The following TMCO4 variants were observed in gnomAD, a reference collection of about 807,000 sequenced individuals.
TMCO4 encodes the protein transmembrane and coiled-coil domain-containing protein 4.
TMCO4 carries 58 observed loss-of-function variants against 64.7 expected under a neutral mutation model. The observed-to-expected ratio is 0.90, with a 90% CI of 0.73 to 1.12. The LOEUF (loss-of-function observed/expected upper bound fraction) is 1.12. Among genes scored for constraint, TMCO4 ranks in the 50% most tolerant of loss-of-function variants. The pLI, the probability that TMCO4 is intolerant of heterozygous loss-of-function variation, is 0.00. For missense variants in TMCO4, 780 were observed against 825.9 expected, an observed-to-expected ratio of 0.94 and a Z score of 0.68; for synonymous variants, 325 against 346.1, an observed-to-expected ratio of 0.94 and a Z score of 0.68.
intron 6 of TMCO4, among the ~76,000 whole-genome samples, chr1:19,757,809 T>C (rs1037695565): frequency 2.0e-5 from 3 of 152,228 alleles, no homozygotes; most frequent in Admixed American, 1.3e-4. Context: ...AAAATGTTTA[T>C]GCAGTGAATG....
intron 7 of TMCO4, among the ~76,000 whole-genome samples, chr1:19,753,899 T>C (rs2042131548): frequency 6.6e-6 from 1 of 152,170 alleles, no homozygotes; most frequent in Non-Finnish European, 1.5e-5. Flanking sequence ...TAATAGTTTA[T>C]AAAAGGGTCT....
chr1:19,691,261 T>C (rs1489816779), intron 15 of TMCO4, among the ~76,000 whole-genome samples: 2 of 152,118 alleles, frequency 1.3e-5, no homozygotes, highest in Non-Finnish European at 2.9e-5. Context: ...AAGCTCCCAG[T>C]TAGGAAGGCA....
At chr1:19,789,128 G>C (rs942262311) in intron 2 of TMCO4, among the ~76,000 whole-genome samples, 2 of 151,702 alleles carry the variant, frequency 1.3e-5, no homozygotes, top group African/African-American at 4.8e-5. Context: ...TCAGCCAGGT[G>C]TAGTGGCTCA....
At position 19,734,856 on chromosome 1, in the gene TMCO4, G is replaced by T. The variant is rs568119566; in HGVS notation, c.1264+2516C>A. Reference sequence around the variant, plus strand: ...GCCTCAGTTTTCTCATCTGAAGCAGGGAGACTGGTGGAACCTCCCTCCTGT... The same window carrying T: ...GCCTCAGTTTTCTCATCTGAAGCAGTGAGACTGGTGGAACCTCCCTCCTGT... On this transcript the variant is annotated intron_variant, in intron 13 of 15. Coordinates refer to ENST00000294543, the MANE Select transcript of TMCO4 (RefSeq NM_181719.7). The surrounding 1 kb of genome is among the most constrained non-coding windows in gnomAD (Gnocchi z 4.4). Among the ~76,000 whole-genome samples the T allele has an allele frequency of 2.6e-5, 4 of 152,266 alleles. No individual in the cohort carries two copies. The highest frequency in any genetic ancestry group is 6.5e-5 in the Admixed American group (1 of 15,302).
At chr1:19,726,934 T>C (rs930056373) in intron 13 of TMCO4, among the ~76,000 whole-genome samples, 8 of 152,244 alleles carry the variant, frequency 5.3e-5, no homozygotes, top group African/African-American at 1.9e-4. Flanking sequence ...AGATCAGCCC[T>C]TCCCCCTCCT....
chr1:19,741,131 G>A (rs1406184636), intron 10 of TMCO4, among the ~76,000 whole-genome samples, 190 bp from the exon 11 acceptor site: 1 of 152,198 alleles, frequency 6.6e-6, no homozygotes, highest in Non-Finnish European at 1.5e-5. Flanking sequence ...TCAGCAGGCT[G>A]GGCTGGAATC....
chr1:19,703,038 A>G (rs1042691466), intron 13 of TMCO4, among the ~76,000 whole-genome samples: 1 of 152,198 alleles, frequency 6.6e-6, no homozygotes, highest in African/African-American at 2.4e-5. Context: ...TGGAGGTTCA[A>G]TGAGGGCAGG....
intron 13 of TMCO4, among the ~76,000 whole-genome samples, chr1:19,714,021 C>A (rs909854891): frequency 6.6e-6 from 1 of 152,210 alleles, no homozygotes; most frequent in African/African-American, 2.4e-5. Context: ...ACTGCAACTT[C>A]TACCTCCCAG....
chr1:19,745,872 C>T (rs895568534), intron 9 of TMCO4, among the ~76,000 whole-genome samples: 10 of 152,168 alleles, frequency 6.6e-5, no homozygotes, highest in Non-Finnish European at 1.5e-4. Context: ...AGCCCCCGAG[C>T]GGTAGAGCTG....
At chr1:19,712,081 G>A (rs752979356) in intron 13 of TMCO4, among the ~76,000 whole-genome samples, 1 of 152,192 alleles carries the variant, frequency 6.6e-6, no homozygotes, top group Non-Finnish European at 1.5e-5. Context: ...ACAGGCATGA[G>A]CCACTGGGCC....
chr1:19,768,007 A>G (rs2745253), intron 6 of TMCO4, among the ~76,000 whole-genome samples: 91,680 of 151,388 alleles, frequency 0.61, 29,062 homozygotes, highest in African/African-American at 0.81. Context: ...CAAGAGAATC[A>G]CTTGAACCCG....
intron 15 of TMCO4, among the ~76,000 whole-genome samples, chr1:19,689,835 T>C (rs1310120129): frequency 1.3e-5 from 2 of 152,232 alleles, no homozygotes; most frequent in African/African-American, 4.8e-5. Context: ...GCCCTGGACA[T>C]GGGTCAGGAG....
chr1:19,722,444 C>T (rs752020099), intron 13 of TMCO4, among the ~76,000 whole-genome samples: 60 of 152,104 alleles, frequency 3.9e-4, no homozygotes, highest in Non-Finnish European at 7.1e-4. Flanking sequence ...AGCTTAGATG[C>T]GCTATTTTAT....
In TMCO4 at chr1:19,694,485, C is replaced by A. The variant is rs2100573357; in HGVS notation, c.1449G>T (p.Gln483His). 6.2e-7 allele frequency: 1 copy of A among 1,614,154 alleles called. No homozygotes were observed. The highest frequency in any genetic ancestry group is 8.5e-7 in the Non-Finnish European group (1 of 1,179,986). The change falls in exon 15 of 16, where the codon CAG becomes CAT. Residue 483 changes from glutamine to histidine, a missense_variant. Coordinates refer to ENST00000294543, the MANE Select transcript of TMCO4 (RefSeq NM_181719.7). Reference protein sequence around the residue: ...SSVQLRVAGLQPVLLQDRRVE... With the variant: ...SSVQLRVAGLHPVLLQDRRVE... Reference sequence around the variant, plus strand: ...CCCTCCTGTCCTGCAGCAGCACGGGCTGTAGGCCGGCGACACGGAGCTGCA... The same window carrying A: ...CCCTCCTGTCCTGCAGCAGCACGGGATGTAGGCCGGCGACACGGAGCTGCA...
intron 1 of TMCO4, among the ~76,000 whole-genome samples, chr1:19,799,003 C>A (rs1489351636): frequency 6.6e-6 from 1 of 152,204 alleles, no homozygotes; most frequent in East Asian, 1.9e-4. Context: ...CTAGCCTGGC[C>A]CTGCTCCTAA....
chr1:19,716,370 C>T (rs903639840), intron 13 of TMCO4, among the ~76,000 whole-genome samples: 3 of 138,562 alleles, frequency 2.2e-5, no homozygotes, highest in Admixed American at 7.2e-5. Context: ...TTTTTTTTTT[C>T]TTTTTTCTTT....
At chr1:19,699,339 C>T (rs2095256481) in intron 14 of TMCO4, among the ~76,000 whole-genome samples, 1 of 151,974 alleles carries the variant, frequency 6.6e-6, no homozygotes. Flanking sequence ...ACAGGAGGGA[C>T]TATTATTCCT....
At chr1:19,798,402 G>A (rs1159193410) in intron 1 of TMCO4, among the ~76,000 whole-genome samples, 187 bp from the exon 2 acceptor site, 2 of 152,186 alleles carry the variant, frequency 1.3e-5, no homozygotes, top group Non-Finnish European at 2.9e-5. Context: ...GGAGCTACAT[G>A]CTGAGCTATG....
chr1:19,731,235 T>A (rs557403272), intron 13 of TMCO4, among the ~76,000 whole-genome samples: 1 of 152,316 alleles, frequency 6.6e-6, no homozygotes, highest in East Asian at 1.9e-4. Context: ...GGGAGGCCAA[T>A]TATTCCTCAA....
Sources: allele counts gnomAD v4.1 joint callset (sites outside exome capture counted in the v4.1 genomes callset), GRCh38; gene constraint gnomAD v4.1.1; non-coding constraint Gnocchi (gnomAD v3.1); transcripts MANE v1.5; gene names NCBI Gene and HGNC (gene_info 2026-07-23, HGNC 2026-07-21).